Variants in PGM2L1 observed in about 807,000 individuals in gnomAD.
The protein encoded by PGM2L1 is glucose 1,6-bisphosphate synthase.
Under a neutral mutation model 73.4 loss-of-function variants are expected in PGM2L1, and 35 were observed. The ratio of observed to expected loss-of-function variants is 0.48; its 90% CI spans 0.36 to 0.63. The LOEUF (loss-of-function observed/expected upper bound fraction) is 0.63, where lower values mean the gene tolerates loss of function less well. PGM2L1 is among the 30% of genes least tolerant of loss of function. The pLI, the probability that PGM2L1 is intolerant of heterozygous loss-of-function variation, is 0.00. For missense variants in PGM2L1, 570 were observed against 742.0 expected, an observed-to-expected ratio of 0.77 and a Z score of 2.69; for synonymous variants, 225 against 253.8, an observed-to-expected ratio of 0.89 and a Z score of 1.08.
At position 74,333,106 on chromosome 11, in the gene PGM2L1, G is replaced by GT. The variant is rs1005158616; in HGVS notation, c.*3545dup. On this transcript the variant is annotated 3_prime_UTR_variant, in exon 14 of 14. Transcript: ENST00000298198. ...TTATGACATTTTTGTTCTAACCTGAGTTTTTAAAAAAAATGTGCTGGAAAG... is the reference window on the plus strand; with the variant it reads ...TTATGACATTTTTGTTCTAACCTGAGTTTTTTAAAAAAAATGTGCTGGAAAG... 1.3e-5 allele frequency: 2 copies of GT among 149,960 alleles called. No homozygotes were observed. Among genetic ancestry groups the GT allele is most frequent in the African/African-American group, 5.1e-5 (2 of 39,478 alleles). The allele number at this position is 149,960 out of a possible 1,614,324, so 9.3% of individuals were successfully genotyped here. A position where few individuals can be genotyped will look rare whatever the true frequency, so the allele number is the denominator to read the frequency against.
intron 5 of PGM2L1, among the ~76,000 whole-genome samples, chr11:74,356,408 T>A (rs1372242744): frequency 6.6e-6 from 1 of 152,200 alleles, no homozygotes; most frequent in Non-Finnish European, 1.5e-5. Context: ...CCATAATCAA[T>A]AAATGATTTA....
chr11:74,390,826 T>C (rs1863091131), intron 1 of PGM2L1, among the ~76,000 whole-genome samples: 1 of 152,194 alleles, frequency 6.6e-6, no homozygotes, highest in Non-Finnish European at 1.5e-5. Flanking sequence ...TATGAAGACA[T>C]TATGCTAAGT....
intron 1 of PGM2L1, among the ~76,000 whole-genome samples, chr11:74,376,563 AGTATATATGT>A (rs1862857141): frequency 6.6e-6 from 1 of 151,370 alleles, no homozygotes; most frequent in African/African-American, 2.4e-5. Flanking sequence ...ATATCTAATG[AGTATATATGT>A]GTATATACAC....
Position 74,341,766 on chromosome 11 carries a change from T to C in PGM2L1, c.1632+695A>G, listed in dbSNP as rs528551169. On this transcript the variant is annotated intron_variant, in intron 12 of 13. Transcript: ENST00000298198. ...AAAGTACAGGAAAATGGCTGCTTCATAGGCAGAGTAGTACCATGGATTGCT... is the reference window on the plus strand; with the variant it reads ...AAAGTACAGGAAAATGGCTGCTTCACAGGCAGAGTAGTACCATGGATTGCT... Among the ~76,000 whole-genome samples the C allele has an allele frequency of 1.8e-4, 27 of 150,888 alleles. No homozygotes were observed. In the South Asian group the frequency reaches 5.2e-3, roughly 29 times the overall value.
rs1307285682 is a variant in PGM2L1 at position 74,398,341 on chromosome 11, G to A, written c.-180C>T. On this transcript the variant is annotated 5_prime_UTR_variant, in exon 1 of 14. Coordinates refer to ENST00000298198, the MANE Select transcript of PGM2L1 (RefSeq NM_173582.6). Reference sequence around the variant, plus strand: ...GCGTCAGGGAACCGGGAGAGAGGGGGTTTATGGCCGCCTGCTCCCCAGCGG... The same window carrying A: ...GCGTCAGGGAACCGGGAGAGAGGGGATTTATGGCCGCCTGCTCCCCAGCGG... 11 of 947,796 alleles carry A rather than the reference G, an allele frequency of 1.2e-5. No homozygotes were observed. The highest frequency in any genetic ancestry group is 3.6e-4 in the Middle Eastern group (1 of 2,780). 58.7% of individuals were successfully genotyped at this position (947,796 alleles called of 1,614,324 possible).
chr11:74,368,669 T>C, intron 4 of PGM2L1, 94 bp from the exon 5 acceptor site: 1 of 989,918 alleles, frequency 1.0e-6, no homozygotes, highest in South Asian at 1.4e-5. Flanking sequence ...AGGAAAAGCA[T>C]TATAGTATGA....
chr11:74,373,145 A>T (rs1466898550), intron 2 of PGM2L1, among the ~76,000 whole-genome samples: 1 of 152,220 alleles, frequency 6.6e-6, no homozygotes, highest in East Asian at 1.9e-4. Flanking sequence ...TCCCAAATCC[A>T]GTGAAAATGT....
chr11:74,360,941 C>G (rs1421458949), intron 5 of PGM2L1, among the ~76,000 whole-genome samples: 1 of 152,218 alleles, frequency 6.6e-6, no homozygotes, highest in Non-Finnish European at 1.5e-5. Flanking sequence ...TCAGGGAGGC[C>G]TGCCTGCCTC....
At chr11:74,364,045 T>C (rs1400619758) in intron 5 of PGM2L1, among the ~76,000 whole-genome samples, 3 of 152,144 alleles carry the variant, frequency 2.0e-5, no homozygotes, top group African/African-American at 4.8e-5. Flanking sequence ...CCCTGGGATG[T>C]AAGGCTGGTT....
At chr11:74,372,833 C>T (rs12805294) in intron 2 of PGM2L1, among the ~76,000 whole-genome samples, 20,622 of 152,144 alleles carry the variant, frequency 0.14, 1,864 homozygotes, top group Non-Finnish European at 0.2. Flanking sequence ...CTCTCAAGTA[C>T]AATTAATTTC....
intron 5 of PGM2L1, among the ~76,000 whole-genome samples, chr11:74,359,313 T>C (rs1862514850): frequency 6.6e-6 from 1 of 152,116 alleles, no homozygotes; most frequent in Non-Finnish European, 1.5e-5. Context: ...AGTTTCACTC[T>C]GTAGCCCAGG....
intron 8 of PGM2L1, among the ~76,000 whole-genome samples, 178 bp downstream of exon 8, chr11:74,346,554 T>C (rs1033569336): frequency 5.3e-5 from 8 of 152,180 alleles, no homozygotes; most frequent in Non-Finnish European, 8.8e-5. Context: ...ATATTTCAAT[T>C]TAAAAGACAG....
At chr11:74,380,658 C>CA (rs1008791320) in intron 1 of PGM2L1, among the ~76,000 whole-genome samples, 3 of 151,778 alleles carry the variant, frequency 2.0e-5, no homozygotes, top group South Asian at 4.1e-4. Flanking sequence ...TATTTTGTTT[C>CA]AAAAAAACCT....
In PGM2L1 at chr11:74,398,180, C is replaced by A; in HGVS notation, c.-19G>T. 2 of 1,599,070 alleles carry A rather than the reference C, an allele frequency of 1.3e-6. No individual in the cohort carries two copies. Among genetic ancestry groups the A allele is most frequent in the South Asian group, 1.1e-5 (1 of 88,878 alleles). On this transcript the variant is annotated 5_prime_UTR_variant, in exon 1 of 14. Transcript: ENST00000298198. Reference sequence around the variant, plus strand: ...CAGCCATGGCGACCAGACAGGCGTACGGGCCGGGGGCCGGCGAAGACACTG... The same window carrying A: ...CAGCCATGGCGACCAGACAGGCGTAAGGGCCGGGGGCCGGCGAAGACACTG...
chr11:74,381,401 T>C (rs1307045526), intron 1 of PGM2L1, among the ~76,000 whole-genome samples: 2 of 152,088 alleles, frequency 1.3e-5, no homozygotes, highest in African/African-American at 4.8e-5. Flanking sequence ...TAGAGGAGTA[T>C]GTAGCAACAA....
At chr11:74,347,461 A>G (rs1384871183) in intron 6 of PGM2L1, 124 bp from the exon 7 acceptor site, 1 of 738,002 alleles carries the variant, frequency 1.4e-6, no homozygotes, top group Non-Finnish European at 2.0e-6. Context: ...GCAGAGGTCT[A>G]AGATATTCAA....
chr11:74,374,664 C>T, intron 1 of PGM2L1, 82 bp from the exon 2 acceptor site: 1 of 1,191,314 alleles, frequency 8.4e-7, no homozygotes, highest in Non-Finnish European at 1.2e-6. Context: ...TCAATATGTA[C>T]ATATCACAAG....
chr11:74,343,045 G>A, intron 10 of PGM2L1, 31 bp from the exon 11 acceptor site: 1 of 1,568,922 alleles, frequency 6.4e-7, no homozygotes. Flanking sequence ...CTAGAAAAGA[G>A]GAAAACTTAA....
Position 74,336,300 on chromosome 11 carries a change from A to G in PGM2L1, c.*352T>C, listed in dbSNP as rs1862094079. 6.4e-6 allele frequency: 1 copy of G among 156,184 alleles called. No homozygotes were observed. Among genetic ancestry groups the G allele is most frequent in the African/African-American group, 2.4e-5 (1 of 41,416 alleles). The allele number at this position is 156,184 out of a possible 1,614,324, so 9.7% of individuals were successfully genotyped here. On this transcript the variant is annotated 3_prime_UTR_variant, in exon 14 of 14. Transcript: ENST00000298198. ...CTTTTTTTTTTTCTTTTACCATGCT[A>G]TACACAATTACGAGATACAGAACTA...
Sources: gnomAD v4.1 joint callset for allele counts (sites outside exome capture counted in the v4.1 genomes callset) on GRCh38, gnomAD v4.1.1 for gene constraint, MANE v1.5 for transcripts, NCBI Gene and HGNC (gene_info 2026-07-23, HGNC 2026-07-21) for gene names.